OLFM3: variants seen among roughly 807,000 people sequenced by gnomAD.
The protein encoded by OLFM3 is olfactomedin 3.
Under a neutral mutation model 48.6 loss-of-function variants are expected in OLFM3, and 20 were observed. The ratio of observed to expected loss-of-function variants is 0.41; its 90% CI spans 0.29 to 0.60. OLFM3 has a LOEUF of 0.60. Among genes scored for constraint, OLFM3 ranks in the 20% least tolerant of loss-of-function variants. The pLI is 0.28. For synonymous variants in OLFM3, 222 were observed against 198.1 expected (o/e 1.12, Z -1.01); for missense variants, 437 against 544.3 (o/e 0.80, Z 1.96).
intron 1 of OLFM3, among the ~76,000 whole-genome samples, chr1:101,950,525 G>T (rs906559009): frequency 1.3e-5 from 2 of 150,370 alleles, no homozygotes; most frequent in Non-Finnish European, 3.0e-5. Flanking sequence ...TGCAAGCTCC[G>T]CCTCCCGGGT....
chr1:101,900,183 G>A lies in OLFM3; in HGVS notation c.70-63158C>T, dbSNP rs561235219. Among the ~76,000 whole-genome samples, 5 of 152,284 alleles carry A rather than the reference G, an allele frequency of 3.3e-5. No homozygotes were observed. The South Asian group carries it at 8.3e-4, about 25-fold the overall frequency. On this transcript the variant is annotated intron_variant, in intron 1 of 5. Coordinates refer to ENST00000370103, the MANE Select transcript of OLFM3 (RefSeq NM_058170.4). ...TAGAATGCAAATTCTAGAATGGCAG[G>A]AAGTTTGTTTGCTTTGTTCATTTCT... is the stretch of plus-strand genomic sequence containing the variant.
Position 101,827,339 on chromosome 1 carries a change from G to A in OLFM3, c.373-2094C>T, listed in dbSNP as rs369904203. 9.3e-5 allele frequency among the ~76,000 whole-genome samples: 14 copies of A among 150,600 alleles called. No individual in the cohort carries two copies. In the East Asian group the frequency reaches 1.2e-3, roughly 13 times the overall value. ...GAAGAATTTTTTTTTTTTTTGAGAC[G>A]GAGTCTCACTCTGTCACCCAGGCTG... On this transcript the variant is annotated intron_variant, in intron 3 of 5. Transcript: ENST00000370103.
In OLFM3 at chr1:101,812,175, G is replaced by A. The variant is rs193086012; in HGVS notation, c.593-5993C>T. On this transcript the variant is annotated intron_variant, in intron 4 of 5. Transcript: ENST00000370103. ...ACAGGAAGGGGAACATCACACACCG[G>A]GGCCTTTCATGGGGTGGGGGGAGTG... Among the ~76,000 whole-genome samples the A allele has an allele frequency of 4.8e-3, 723 of 151,880 alleles. 3 individuals carry two copies. The highest frequency in any genetic ancestry group is 0.017 in the African/African-American group (706 of 41,388).
intron 1 of OLFM3, among the ~76,000 whole-genome samples, chr1:101,912,461 C>T (rs4908200): frequency 0.43 from 65,784 of 151,996 alleles, 14,343 homozygotes; most frequent in East Asian, 0.59. Context: ...AGATAAATTC[C>T]GTATCTCTGT....
At chr1:101,855,087 T>C (rs779700873) in intron 1 of OLFM3, among the ~76,000 whole-genome samples, 1 of 152,108 alleles carries the variant, frequency 6.6e-6, no homozygotes, top group Non-Finnish European at 1.5e-5. Context: ...AATTTATCTT[T>C]AGAGTTTAAA....
At chr1:101,927,074 C>A (rs1254850210) in intron 1 of OLFM3, among the ~76,000 whole-genome samples, 1 of 152,014 alleles carries the variant, frequency 6.6e-6, no homozygotes, top group African/African-American at 2.4e-5. Context: ...AATTATTTAG[C>A]CTTATTTCTA....
At position 101,825,242 on chromosome 1, in the gene OLFM3, A is replaced by G; in HGVS notation, c.376T>C (p.Leu126=). The change falls in exon 4 of 6, where the codon TTG becomes CTG. Residue 126 remains leucine (L), a synonymous_variant. Transcript: ENST00000370103. ...AGGAGCTCGTCCATTTTCTCTTTCA[A>G]CTCCTGTGAAAAGCAGCCTATTGTT... The part of the protein sequence containing the change: ...KTLMTKHFQE[L]KEKMDELLPL... 1.9e-6 allele frequency: 3 copies of G among 1,612,818 alleles called. No homozygotes were observed. The highest frequency in any genetic ancestry group is 8.5e-7 in the Non-Finnish European group (1 of 1,179,352).
At chr1:101,969,884 C>T (rs1170101199) in intron 1 of OLFM3, among the ~76,000 whole-genome samples, 1 of 152,102 alleles carries the variant, frequency 6.6e-6, no homozygotes, top group African/African-American at 2.4e-5. Flanking sequence ...TAAGTGGAGA[C>T]TTGATTAAAA....
At chr1:101,977,419 A>C (rs1660985266) in intron 1 of OLFM3, among the ~76,000 whole-genome samples, 1 of 152,146 alleles carries the variant, frequency 6.6e-6, no homozygotes, top group African/African-American at 2.4e-5. Flanking sequence ...TCATGAGTAC[A>C]AAAAGAGCGT....
intron 1 of OLFM3, among the ~76,000 whole-genome samples, chr1:101,953,420 A>G (rs992945295): frequency 6.6e-6 from 1 of 152,166 alleles, no homozygotes; most frequent in Non-Finnish European, 1.5e-5. Flanking sequence ...TAGATACTGT[A>G]TAGTCCACAA....
chr1:101,882,151 T>C (rs907220342), intron 1 of OLFM3, among the ~76,000 whole-genome samples: 3 of 151,072 alleles, frequency 2.0e-5, no homozygotes, highest in African/African-American at 7.3e-5. Flanking sequence ...TAAAATACCA[T>C]TGAGTATAAG....
intron 1 of OLFM3, among the ~76,000 whole-genome samples, chr1:101,918,132 A>C (rs1658982139): frequency 6.6e-6 from 1 of 152,200 alleles, no homozygotes; most frequent in African/African-American, 2.4e-5. Flanking sequence ...TTGAACAACC[A>C]CTATAGGCAA....
At chr1:101,813,053 G>A (rs769518039) in intron 4 of OLFM3, 10 of 1,259,172 alleles carry the variant, frequency 7.9e-6, no homozygotes, top group Middle Eastern at 2.2e-4. Context: ...TGAACAGGGA[G>A]GCAAGTCGCG....
intron 1 of OLFM3, among the ~76,000 whole-genome samples, chr1:101,943,455 G>A (rs2225131): frequency 0.4 from 60,755 of 151,678 alleles, 12,398 homozygotes; most frequent in East Asian, 0.51. Context: ...CCATTTACTG[G>A]CACAAACGTA....
chr1:101,863,453 G>T (rs1656737943), intron 1 of OLFM3, among the ~76,000 whole-genome samples: 1 of 152,182 alleles, frequency 6.6e-6, no homozygotes, highest in Non-Finnish European at 1.5e-5. Context: ...GAAGAATACA[G>T]CCCAGATTTT....
At chr1:101,949,800 G>T (rs1329242086) in intron 1 of OLFM3, among the ~76,000 whole-genome samples, 1 of 151,964 alleles carries the variant, frequency 6.6e-6, no homozygotes, top group African/African-American at 2.4e-5. Context: ...CGTCGTGGTG[G>T]GCACCTGTAG....
At chr1:101,845,125 A>G (rs182401571) in intron 1 of OLFM3, among the ~76,000 whole-genome samples, 39 of 151,796 alleles carry the variant, frequency 2.6e-4, no homozygotes, top group African/African-American at 8.2e-4. Context: ...CCTTTTCTAC[A>G]TTTTCTGCTT....
At chr1:101,906,839 C>A (rs1658570032) in intron 1 of OLFM3, among the ~76,000 whole-genome samples, 2 of 152,156 alleles carry the variant, frequency 1.3e-5, no homozygotes, top group Admixed American at 1.3e-4. Flanking sequence ...CATTCACATA[C>A]AAGCATTTCA....
At chr1:101,828,022 C>CTGTCTGTCTGTCTG (rs1557691307) in intron 3 of OLFM3, among the ~76,000 whole-genome samples, 6 of 91,212 alleles carry the variant, frequency 6.6e-5, no homozygotes, top group African/African-American at 1.5e-4. Context: ...CTCTCTCTCT[C>CTGTCTGTCTGTCTG]TCTCTCTCTC....
Sources: gnomAD v4.1 joint callset for allele counts (sites outside exome capture counted in the v4.1 genomes callset) on GRCh38, gnomAD v4.1.1 for gene constraint, MANE v1.5 for transcripts, NCBI Gene and HGNC (gene_info 2026-07-23, HGNC 2026-07-21) for gene names.